MALRD1: variants seen among roughly 807,000 people sequenced by gnomAD.
MALRD1 encodes MAM and LDL-receptor class A domain-containing protein 1.
Under a neutral mutation model 242.1 loss-of-function variants are expected in MALRD1, and 247 were observed. The ratio of observed to expected loss-of-function variants is 1.02; its 90% CI spans 0.92 to 1.13. The LOEUF (loss-of-function observed/expected upper bound fraction) is 1.13, where lower values mean the gene tolerates loss of function less well. MALRD1 is among the 50% of genes most tolerant of loss of function. The pLI, the probability that MALRD1 is intolerant of heterozygous loss-of-function variation, is 0.00. For missense variants in MALRD1, 2,989 were observed against 2,533.1 expected (o/e 1.18, Z -3.86); for synonymous variants, 995 against 866.6 (o/e 1.15, Z -2.60).
At chr10:19,501,130 C>T (rs969635484) in intron 31 of MALRD1, among the ~76,000 whole-genome samples, 8 of 151,900 alleles carry the variant, frequency 5.3e-5, no homozygotes, top group African/African-American at 1.9e-4. Context: ...CAACAAGAGA[C>T]CTGAAGGAGC....
intron 5 of MALRD1, among the ~76,000 whole-genome samples, chr10:19,107,234 C>G (rs549161801): frequency 3.9e-5 from 6 of 152,034 alleles, no homozygotes; most frequent in African/African-American, 1.4e-4. Context: ...GAGTTAAAAT[C>G]CCTTGCTATT....
chr10:19,319,801 A>G (rs1469674477), intron 21 of MALRD1, among the ~76,000 whole-genome samples: 1 of 151,970 alleles, frequency 6.6e-6, no homozygotes, highest in Non-Finnish European at 1.5e-5. Context: ...TAATAAGATG[A>G]TCACCTTTGT....
intron 36 of MALRD1, among the ~76,000 whole-genome samples, chr10:19,650,313 C>T (rs1326981): frequency 0.097 from 14,694 of 151,986 alleles, 1,829 homozygotes; most frequent in African/African-American, 0.29. Flanking sequence ...TTCAGATAGA[C>T]AAAAACTGTG....
chr10:19,345,850 T>C (rs75109342), intron 24 of MALRD1, among the ~76,000 whole-genome samples: 1,678 of 152,198 alleles, frequency 0.011, 34 homozygotes, highest in African/African-American at 0.038. Flanking sequence ...AGAGGTGTAA[T>C]AAAGTTAGCT....
At chr10:19,279,622 TAAAC>T (rs1343097694) in intron 19 of MALRD1, among the ~76,000 whole-genome samples, 2 of 152,222 alleles carry the variant, frequency 1.3e-5, no homozygotes, top group Non-Finnish European at 2.9e-5. Flanking sequence ...GAAAATATGT[TAAAC>T]AAAGATGAGG....
At chr10:19,246,937 AAG>A (rs1274188288) in intron 18 of MALRD1, among the ~76,000 whole-genome samples, 1 of 152,062 alleles carries the variant, frequency 6.6e-6, no homozygotes, top group Non-Finnish European at 1.5e-5. Flanking sequence ...GGCTCTATAC[AAG>A]AGTGTGTTTC....
Position 19,295,820 on chromosome 10 carries a change from T to C in MALRD1, c.3419+12639T>C, listed in dbSNP as rs989882960. On this transcript the variant is annotated intron_variant, in intron 21 of 39. Transcript: ENST00000454679. ...CACATCAGAATTGCCTGGAGATTTG[T>C]TAAAACACAGGAATCTTGGGCTCAT... Among the ~76,000 whole-genome samples the C allele has an allele frequency of 4.6e-5, 7 of 152,306 alleles. No individual in the cohort carries two copies. In the South Asian group the frequency reaches 8.3e-4, roughly 18 times the overall value.
intron 31 of MALRD1, among the ~76,000 whole-genome samples, chr10:19,502,392 C>T (rs1838017929): frequency 6.6e-6 from 1 of 152,060 alleles, no homozygotes; most frequent in Admixed American, 6.5e-5. Context: ...AAATAGGTTT[C>T]TATTTGATTC....
intron 31 of MALRD1, among the ~76,000 whole-genome samples, chr10:19,517,819 A>G (rs1833703508): frequency 5.9e-5 from 9 of 152,210 alleles, no homozygotes. Context: ...CACTTGTTGC[A>G]AGAGAGCAAT....
At chr10:19,200,606 T>A (rs1273335182) in intron 14 of MALRD1, among the ~76,000 whole-genome samples, 1 of 149,562 alleles carries the variant, frequency 6.7e-6, no homozygotes, top group Non-Finnish European at 1.5e-5. Flanking sequence ...TAAGAAAGAA[T>A]CTGATTCTGG....
At chr10:19,384,096 G>C (rs900141226) in intron 26 of MALRD1, among the ~76,000 whole-genome samples, 1 of 151,068 alleles carries the variant, frequency 6.6e-6, no homozygotes, top group South Asian at 2.1e-4. Flanking sequence ...ATTGTGGTTT[G>C]CATTTGCATT....
At position 19,162,182 on chromosome 10, in the gene MALRD1, T is replaced by A. The variant is rs141187378; in HGVS notation, c.1657-3455T>A. Among the ~76,000 whole-genome samples, 1,297 of 152,336 alleles carry A rather than the reference T, an allele frequency of 8.5e-3. 14 individuals are homozygous for A. The highest frequency in any genetic ancestry group is 0.03 in the African/African-American group (1,229 of 41,578). ...AGTTATGCTCATTATAATTAAATGT[T>A]CATTTTCTTTTGCCACTCTTCCTCC... is the stretch of plus-strand genomic sequence containing the variant. On this transcript the variant is annotated intron_variant, in intron 12 of 39. Coordinates refer to ENST00000454679, the MANE Select transcript of MALRD1 (RefSeq NM_001142308.3).
At chr10:19,695,064 G>A (rs1005241212) in intron 38 of MALRD1, among the ~76,000 whole-genome samples, 25 of 152,092 alleles carry the variant, frequency 1.6e-4, no homozygotes, top group African/African-American at 5.3e-4. Flanking sequence ...ACACACCGGG[G>A]CCTGTCATGG....
chr10:19,117,217 A>G (rs1836901964), intron 5 of MALRD1, among the ~76,000 whole-genome samples: 1 of 152,186 alleles, frequency 6.6e-6, no homozygotes, highest in African/African-American at 2.4e-5. Context: ...ATGCACTAAA[A>G]TAAAAAGAGC....
intron 36 of MALRD1, among the ~76,000 whole-genome samples, chr10:19,657,033 G>A (rs907736725): frequency 2.6e-5 from 4 of 152,118 alleles, no homozygotes; most frequent in African/African-American, 9.7e-5. Context: ...AAAATGGTAA[G>A]TGATGGTTTT....
At chr10:19,126,738 G>A (rs1390013849) in intron 7 of MALRD1, among the ~76,000 whole-genome samples, 1 of 151,736 alleles carries the variant, frequency 6.6e-6, no homozygotes, top group African/African-American at 2.4e-5. Flanking sequence ...GGGGGTAGCA[G>A]TAATATTATT....
intron 21 of MALRD1, among the ~76,000 whole-genome samples, chr10:19,298,063 T>C (rs2131946216): frequency 6.6e-6 from 1 of 152,128 alleles, no homozygotes; most frequent in South Asian, 2.1e-4. Flanking sequence ...AACAGGTTTA[T>C]TTAGCTCATG....
At chr10:19,440,537 C>T (rs989765735) in intron 28 of MALRD1, among the ~76,000 whole-genome samples, 9 of 152,074 alleles carry the variant, frequency 5.9e-5, no homozygotes, top group Non-Finnish European at 7.3e-5. Context: ...TGTTCCCCAC[C>T]CTGTGTCCAA....
intron 23 of MALRD1, among the ~76,000 whole-genome samples, chr10:19,330,860 T>TA (rs71784448): frequency 2.3e-3 from 338 of 146,798 alleles, no homozygotes; most frequent in Middle Eastern, 0.014. Context: ...GTGTACAATT[T>TA]AAAAAAAAAA....
Sources: gnomAD v4.1 joint callset for allele counts (sites outside exome capture counted in the v4.1 genomes callset) on GRCh38, gnomAD v4.1.1 for gene constraint, MANE v1.5 for transcripts, NCBI Gene and HGNC (gene_info 2026-07-23, HGNC 2026-07-21) for gene names.